RIC8B: variants seen among roughly 807,000 people sequenced by gnomAD.
RIC8B encodes the protein RIC8 guanine nucleotide exchange factor B, also known as chaperone Ric-8B.
Under a neutral mutation model 57.5 loss-of-function variants are expected in RIC8B, and 16 were observed. The observed-to-expected ratio is 0.28, with a 90% CI of 0.19 to 0.42. The LOEUF is 0.42. Among genes scored for constraint, RIC8B ranks in the 10% least tolerant of loss-of-function variants. RIC8B has a pLI of 1.00. For missense variants in RIC8B, 481 were observed against 677.0 expected (o/e 0.71, Z 3.21); for synonymous variants, 216 against 250.8 (o/e 0.86, Z 1.31).
intron 3 of RIC8B, among the ~76,000 whole-genome samples, chr12:106,825,111 AAATG>A (rs1386867013): frequency 1.3e-5 from 2 of 152,174 alleles, no homozygotes; most frequent in Non-Finnish European, 2.9e-5. Flanking sequence ...ATCTCACTAA[AAATG>A]AAGAAGTAAA....
At chr12:106,822,890 A>C (rs1298872786) in intron 3 of RIC8B, 1 of 153,224 alleles carries the variant, frequency 6.5e-6, no homozygotes, top group Non-Finnish European at 1.5e-5. Flanking sequence ...TGTAAAGTTC[A>C]GTAGCAACCA....
intron 1 of RIC8B, among the ~76,000 whole-genome samples, chr12:106,781,750 T>C (rs912820438): frequency 6.6e-6 from 1 of 152,192 alleles, no homozygotes; most frequent in Admixed American, 6.5e-5. Context: ...AAAAAAAGTT[T>C]AGAAGAAACG....
chr12:106,779,570 G>GT (rs1416573103), intron 1 of RIC8B, among the ~76,000 whole-genome samples: 1 of 150,100 alleles, frequency 6.7e-6, no homozygotes, highest in East Asian at 2.0e-4. Context: ...CTTATAATAC[G>GT]TAATACAATG....
At chr12:106,787,865 G>T (rs1386088745) in intron 2 of RIC8B, among the ~76,000 whole-genome samples, 3 of 152,058 alleles carry the variant, frequency 2.0e-5, no homozygotes, top group Admixed American at 6.5e-5. Context: ...TCTGCCTCTG[G>T]CCCCTCCAAA....
chr12:106,807,026 A>G (rs1052421855), intron 2 of RIC8B, among the ~76,000 whole-genome samples: 2 of 152,126 alleles, frequency 1.3e-5, no homozygotes, highest in African/African-American at 2.4e-5. Flanking sequence ...AAATGGTACT[A>G]TGTTGGCTTA....
intron 3 of RIC8B, among the ~76,000 whole-genome samples, chr12:106,822,092 A>C (rs1210372246): frequency 6.6e-6 from 1 of 150,468 alleles, no homozygotes; most frequent in East Asian, 1.9e-4. Flanking sequence ...AAAAAAAAAA[A>C]AAAAAAAAAG....
At chr12:106,874,622 A>T in intron 9 of RIC8B, 1 of 1,305,800 alleles carries the variant, frequency 7.7e-7, no homozygotes, top group Non-Finnish European at 1.1e-6. Flanking sequence ...GATGTTATTC[A>T]CTACCAAAAT....
intron 4 of RIC8B, among the ~76,000 whole-genome samples, chr12:106,832,282 ATTG>A (rs1321964684): frequency 9.2e-5 from 14 of 151,944 alleles, no homozygotes; most frequent in African/African-American, 3.1e-4. Context: ...CCACTTGTTT[ATTG>A]TTTCTCTCCT....
At chr12:106,851,409 G>A in intron 6 of RIC8B, 41 bp from the exon 7 acceptor site, 1 of 1,511,410 alleles carries the variant, frequency 6.6e-7, no homozygotes, top group Non-Finnish European at 8.9e-7. Context: ...ACTCACTCTA[G>A]TAGCCTCGAT....
At chr12:106,834,983 C>CA (rs71072695) in intron 4 of RIC8B, among the ~76,000 whole-genome samples, 2,518 of 31,100 alleles carry the variant, frequency 0.081, 408 homozygotes, top group African/African-American at 0.15. Context: ...GACTCTGTCT[C>CA]AAAAAAAAAA....
At chr12:106,851,370 A>G (rs1949470289) in intron 6 of RIC8B, 80 bp from the exon 7 acceptor site, 4 of 1,247,528 alleles carry the variant, frequency 3.2e-6, no homozygotes, top group Non-Finnish European at 4.6e-6. Flanking sequence ...AGACATTACA[A>G]GACTGGCCAG....
At chr12:106,775,175 T>A in intron 1 of RIC8B, 1 of 418,540 alleles carries the variant, frequency 2.4e-6, no homozygotes, top group African/African-American at 2.0e-5. Context: ...CTTCCTCACC[T>A]GTATAGCATA....
chr12:106,836,494 A>G (rs187991722), intron 4 of RIC8B, among the ~76,000 whole-genome samples: 1 of 152,306 alleles, frequency 6.6e-6, no homozygotes, highest in East Asian at 1.9e-4. Flanking sequence ...CTTCTCTTGC[A>G]GTGTTTCCCA....
At chr12:106,842,568 A>AT in intron 4 of RIC8B, 21 bp from the exon 5 acceptor site, 5 of 1,575,050 alleles carry the variant, frequency 3.2e-6, no homozygotes, top group East Asian at 2.2e-5. Flanking sequence ...AAAATATTGT[A>AT]TTTTTTTAAT....
intron 7 of RIC8B, among the ~76,000 whole-genome samples, chr12:106,859,569 G>A (rs1949844873): frequency 7.5e-6 from 1 of 133,438 alleles, no homozygotes; most frequent in South Asian, 2.5e-4. Flanking sequence ...AACTTGTGAG[G>A]TAGATAGTTA....
intron 2 of RIC8B, among the ~76,000 whole-genome samples, chr12:106,797,406 A>C (rs2044532027): frequency 1.3e-5 from 2 of 152,246 alleles, no homozygotes; most frequent in Admixed American, 1.3e-4. Flanking sequence ...TTAAAAGGCC[A>C]CAGATTGTAT....
chr12:106,879,550 C>G lies in RIC8B; in HGVS notation c.1572-6354C>G. The stretch of plus-strand genomic sequence containing the variant: ...ATATATCTGGAAAAAAAAAACAGAC[C>G]AGAATATTTTAAATATGGTGTAAAT... On this transcript the variant is annotated intron_variant, in intron 9 of 9. Coordinates refer to ENST00000392837, the MANE Select transcript of RIC8B (RefSeq NM_001330145.2). This position sits in a 1 kb window ranked among gnomAD's most constrained non-coding sequence, Gnocchi z 4.9. 1 of 984,884 alleles carries G rather than the reference C, an allele frequency of 1.0e-6. No individual in the cohort carries two copies. Among genetic ancestry groups the G allele is most frequent in the Non-Finnish European group, 1.2e-6 (1 of 829,636 alleles). The allele number at this position is 984,884 out of a possible 1,614,324, so 61.0% of individuals were successfully genotyped here.
chr12:106,823,429 G>C (rs1452420384), intron 3 of RIC8B: 5 of 456,334 alleles, frequency 1.1e-5, no homozygotes, highest in South Asian at 7.7e-5. Flanking sequence ...GGGAGTTGAT[G>C]TTATCAAAAC....
intron 3 of RIC8B, among the ~76,000 whole-genome samples, chr12:106,820,525 G>A (rs2045791646): frequency 6.6e-6 from 1 of 152,186 alleles, no homozygotes; most frequent in Non-Finnish European, 1.5e-5. Flanking sequence ...ATGGAAGAGA[G>A]CATGTTATTC....
Sources: gnomAD v4.1 joint callset for allele counts (sites outside exome capture counted in the v4.1 genomes callset) on GRCh38, gnomAD v4.1.1 for gene constraint, Gnocchi (gnomAD v3.1) non-coding constraint, MANE v1.5 for transcripts, NCBI Gene and HGNC (gene_info 2026-07-23, HGNC 2026-07-21) for gene names.